DLGAP4: variants seen among roughly 807,000 people sequenced by gnomAD.
The protein encoded by DLGAP4 is DLG associated protein 4.
Under a neutral mutation model 86.9 loss-of-function variants are expected in DLGAP4, and 18 were observed. The ratio of observed to expected loss-of-function variants is 0.21; its 90% CI spans 0.14 to 0.31. The LOEUF is 0.31. Ranked by LOEUF, DLGAP4 falls within the 10% of genes least tolerant of loss-of-function variation. DLGAP4 has a pLI of 1.00. For missense variants in DLGAP4, 1,085 were observed against 1,362.6 expected, an observed-to-expected ratio of 0.80 and a Z score of 3.21; for synonymous variants, 548 against 574.3, an observed-to-expected ratio of 0.95 and a Z score of 0.65.
intron 2 of DLGAP4, among the ~76,000 whole-genome samples, chr20:36,391,459 C>T (rs560963701): frequency 6.6e-5 from 10 of 152,298 alleles, no homozygotes; most frequent in South Asian, 6.2e-4. Flanking sequence ...AAACTTCAAA[C>T]GCACCCACCA....
At chr20:36,355,272 T>C (rs2030289038) in intron 1 of DLGAP4, among the ~76,000 whole-genome samples, 1 of 151,974 alleles carries the variant, frequency 6.6e-6, no homozygotes, top group Non-Finnish European at 1.5e-5. Context: ...TGATTTTTTT[T>C]CTTGTTCTTT....
rs147534140 is a variant in DLGAP4, at chr20:36,410,669, C to A, written c.-72-20977C>A. Among the ~76,000 whole-genome samples the A allele has an allele frequency of 2.4e-3, 360 of 152,146 alleles. 1 individual carries two copies. Among genetic ancestry groups the A allele is most frequent in the Non-Finnish European group, 3.8e-3 (260 of 68,006 alleles). ...TGGGGGATAGGGGAGGTGCCACACC[C>A]TTTTAAACAACCTGGTGAACTACCA... On this transcript the variant is annotated intron_variant, in intron 2 of 12. Coordinates refer to ENST00000339266, the MANE Select transcript of DLGAP4 (RefSeq NM_001365621.2).
intron 2 of DLGAP4, among the ~76,000 whole-genome samples, chr20:36,402,045 A>G (rs2425255): frequency 0.85 from 129,158 of 151,900 alleles, 55,518 homozygotes; most frequent in East Asian, 1. Context: ...TTCATGCTAC[A>G]TCTGTGTTCA....
intron 1 of DLGAP4, among the ~76,000 whole-genome samples, chr20:36,359,931 G>C (rs2030460522): frequency 6.6e-6 from 1 of 152,176 alleles, no homozygotes; most frequent in African/African-American, 2.4e-5. Flanking sequence ...TGAGGTCAAG[G>C]CTAGAACTGG....
At chr20:36,349,213 T>C (rs2030053830) in intron 1 of DLGAP4, among the ~76,000 whole-genome samples, 1 of 142,904 alleles carries the variant, frequency 7.0e-6, no homozygotes. Context: ...GGTCAGGAGA[T>C]TGAGATCATC....
chr20:36,404,376 C>T (rs1214530989), intron 2 of DLGAP4, among the ~76,000 whole-genome samples: 1 of 152,062 alleles, frequency 6.6e-6, no homozygotes, highest in African/African-American at 2.4e-5. Flanking sequence ...TGTGGTCACC[C>T]CCAAAGTCCA....
chr20:36,417,575 G>C (rs556993967), intron 2 of DLGAP4, among the ~76,000 whole-genome samples: 1 of 151,738 alleles, frequency 6.6e-6, no homozygotes, highest in East Asian at 1.9e-4. Flanking sequence ...GGAGCGACAG[G>C]GTCTCACTAT....
At chr20:36,367,482 C>T (rs568892273) in intron 2 of DLGAP4, among the ~76,000 whole-genome samples, 5 of 152,192 alleles carry the variant, frequency 3.3e-5, no homozygotes, top group Non-Finnish European at 5.9e-5. Context: ...GTGGTGATCA[C>T]GCCCATTTTC....
At chr20:36,515,192 T>TA (rs1472704316) in intron 10 of DLGAP4, among the ~76,000 whole-genome samples, 3 of 152,252 alleles carry the variant, frequency 2.0e-5, no homozygotes, top group Non-Finnish European at 2.9e-5. Flanking sequence ...CATTTCTCCT[T>TA]AAAAAACTTT....
At chr20:36,464,522 A>G (rs1569508233) in intron 7 of DLGAP4, among the ~76,000 whole-genome samples, 1 of 151,930 alleles carries the variant, frequency 6.6e-6, no homozygotes. Context: ...GTGAGCTGAG[A>G]TCATGCCACT....
In DLGAP4 at chr20:36,490,109, C is replaced by T. The variant is rs531129609; in HGVS notation, c.1649-6596C>T. Among the ~76,000 whole-genome samples the T allele has an allele frequency of 4.7e-4, 71 of 152,148 alleles. No homozygotes were observed. In the South Asian group the frequency reaches 0.012, roughly 26 times the overall value. On this transcript the variant is annotated intron_variant, in intron 7 of 12. Coordinates refer to ENST00000339266, the MANE Select transcript of DLGAP4 (RefSeq NM_001365621.2). ...CTGACCTCAGATGATCCACCCACCTCGGCCTCTCAAAACGTTGGAATTACA... is the reference window on the plus strand; with the variant it reads ...CTGACCTCAGATGATCCACCCACCTTGGCCTCTCAAAACGTTGGAATTACA...
intron 1 of DLGAP4, among the ~76,000 whole-genome samples, chr20:36,307,009 AC>A (rs1569448813): frequency 6.8e-6 from 1 of 148,142 alleles, no homozygotes; most frequent in African/African-American, 2.5e-5. Flanking sequence ...CCTCCATTCA[AC>A]CCAGCTGCCT....
In DLGAP4 at chr20:36,431,800, A is replaced by T; in HGVS notation, c.83A>T (p.Asp28Val). The change falls in exon 3 of 13, where the codon GAC (aspartate) becomes GTC (valine). Residue 28 changes from aspartate (D) to valine (V), a missense_variant. Physicochemically the swap from Asp to Val is radical, Grantham distance 152. Coordinates refer to ENST00000339266, the MANE Select transcript of DLGAP4 (RefSeq NM_001365621.2). This position sits in a 1 kb window ranked among gnomAD's most constrained non-coding sequence, Gnocchi z 5.1. ...PPHEPLFAGT[D>V]RNPYLLSPTE... ...CACGAGCCCCTGTTTGCAGGGACCG[A>T]CCGCAACCCCTACCTGCTGTCGCCC... 1 of 1,613,570 alleles carries T rather than the reference A, an allele frequency of 6.2e-7. No individual in the cohort carries two copies. The highest frequency in any genetic ancestry group is 8.5e-7 in the Non-Finnish European group (1 of 1,179,870).
At chr20:36,480,309 G>C (rs1419258878) in intron 7 of DLGAP4, among the ~76,000 whole-genome samples, 1 of 152,236 alleles carries the variant, frequency 6.6e-6, no homozygotes, top group East Asian at 1.9e-4. Flanking sequence ...AGACTTTGCT[G>C]TCTGAAGCCC....
intron 10 of DLGAP4, among the ~76,000 whole-genome samples, chr20:36,520,726 T>A (rs1198514117): frequency 2.0e-5 from 3 of 152,096 alleles, no homozygotes; most frequent in Non-Finnish European, 4.4e-5. Flanking sequence ...TTTTCCCTTC[T>A]TTATCTGCTT....
intron 1 of DLGAP4, among the ~76,000 whole-genome samples, chr20:36,362,813 T>A (rs1351128214): frequency 1.3e-5 from 2 of 152,150 alleles, no homozygotes; most frequent in Non-Finnish European, 2.9e-5. Context: ...AGGGACAGGC[T>A]CAGGGAATGT....
intron 1 of DLGAP4, among the ~76,000 whole-genome samples, chr20:36,315,022 G>GCGTGTGTGGT (rs2065084060): frequency 2.6e-4 from 1 of 3,860 alleles, no homozygotes; most frequent in South Asian, 5.6e-3. Context: ...CGTGTGTGGT[G>GCGTGTGTGGT]GTGTGAGATG....
chr20:36,434,379 A>G (rs1350329357), intron 3 of DLGAP4, among the ~76,000 whole-genome samples: 1 of 152,168 alleles, frequency 6.6e-6, no homozygotes, highest in Non-Finnish European at 1.5e-5. Flanking sequence ...GCAGTATGTG[A>G]TATATTTAGG....
chr20:36,424,412 T>G (rs1702766), intron 2 of DLGAP4, among the ~76,000 whole-genome samples: 63,600 of 151,914 alleles, frequency 0.42, 13,477 homozygotes, highest in African/African-American at 0.48. Flanking sequence ...GAGAATGAGT[T>G]CTGTATCTTG....
Sources: allele counts gnomAD v4.1 joint callset (sites outside exome capture counted in the v4.1 genomes callset), GRCh38; gene constraint gnomAD v4.1.1; non-coding constraint Gnocchi (gnomAD v3.1); transcripts MANE v1.5; gene names NCBI Gene and HGNC (gene_info 2026-07-23, HGNC 2026-07-21).